Variants in PCDHGA8 observed in about 807,000 individuals in gnomAD.
PCDHGA8 encodes protocadherin gamma-A8.
In PCDHGA8, 45 loss-of-function variants were observed where a neutral mutation model predicts 59.2. The observed-to-expected ratio is 0.76, with a 90% CI of 0.60 to 0.98. The LOEUF is 0.98. PCDHGA8 is among the 50% of genes least tolerant of loss of function. The pLI, the probability that PCDHGA8 is intolerant of heterozygous loss-of-function variation, is 0.00. For synonymous variants in PCDHGA8, 531 were observed against 519.0 expected (o/e 1.02, Z -0.32); for missense variants, 1,257 against 1,196.2 (o/e 1.05, Z -0.75).
Position 141,491,885 on chromosome 5 carries a change from G to T in PCDHGA8, c.2425-2922G>T. On this transcript the variant is annotated intron_variant, in intron 1 of 3. Transcript: ENST00000398604. The surrounding 1 kb of genome is among the most constrained non-coding windows in gnomAD (Gnocchi z 6.9). ...ACCAGAGTGGCCGATTAAGGGATGG[G>T]GCTCCGAGCACCGGGGGTGGTGGCG... The T allele has an allele frequency of 6.9e-7, 1 of 1,445,748 alleles. No homozygotes were observed. Among genetic ancestry groups the T allele is most frequent in the Non-Finnish European group, 9.1e-7 (1 of 1,093,758 alleles). The allele number at this position is 1,445,748 out of a possible 1,614,324, so 89.6% of individuals were successfully genotyped here. A position where few individuals can be genotyped will look rare whatever the true frequency, so the allele number is the denominator to read the frequency against.
At chr5:141,404,783 G>A (rs758824309) in intron 1 of PCDHGA8, 39 of 1,613,798 alleles carry the variant, frequency 2.4e-5, no homozygotes, top group South Asian at 2.2e-4. Context: ...CCTATTCAAG[G>A]CCAGTGAGCC....
rs1284287216 is a variant in PCDHGA8 at position 141,398,423 on chromosome 5, A to C, written c.2424+3186A>C. On this transcript the variant is annotated intron_variant, in intron 1 of 3. Transcript: ENST00000398604. ...GACAGGGAGGAGATATGCGGGAAGA[A>C]GCCAGCTTGTGCTCTGGAATTTGAG... 2.0e-6 allele frequency: 3 copies of C among 1,514,696 alleles called. No individual in the cohort carries two copies. In the South Asian group the frequency reaches 3.4e-5, roughly 17 times the overall value. The allele number at this position is 1,514,696 out of a possible 1,614,324, so 93.8% of individuals were successfully genotyped here.
chr5:141,402,369 A>C (rs1281295306), intron 1 of PCDHGA8, among the ~76,000 whole-genome samples: 1 of 152,066 alleles, frequency 6.6e-6, no homozygotes, highest in Non-Finnish European at 1.5e-5. Context: ...ACTTCCAAAC[A>C]AGATTGCACA....
chr5:141,449,756 T>C (rs2098654563), intron 1 of PCDHGA8, among the ~76,000 whole-genome samples: 1 of 151,728 alleles, frequency 6.6e-6, no homozygotes, highest in South Asian at 2.1e-4. Flanking sequence ...TTTATGACAT[T>C]TGAGAGTAAG....
intron 1 of PCDHGA8, chr5:141,398,815 A>G (rs1369560562): frequency 6.2e-7 from 1 of 1,613,870 alleles, no homozygotes; most frequent in East Asian, 2.2e-5. Context: ...TGAGCTCCGG[A>G]TCCAGGTAAC....
At chr5:141,400,802 A>C in intron 1 of PCDHGA8, 1 of 557,534 alleles carries the variant, frequency 1.8e-6, no homozygotes, top group Non-Finnish European at 3.1e-6. Context: ...TCTCAAAGCT[A>C]ATGAATTTTA....
At chr5:141,415,257 T>G in intron 1 of PCDHGA8, 1 of 1,614,170 alleles carries the variant, frequency 6.2e-7, no homozygotes, top group Non-Finnish European at 8.5e-7. Flanking sequence ...CAGACCTCAC[T>G]CTGTACCTGG....
intron 2 of PCDHGA8, among the ~76,000 whole-genome samples, chr5:141,501,942 C>T (rs1012840550): frequency 2.6e-5 from 4 of 152,136 alleles, no homozygotes; most frequent in Non-Finnish European, 4.4e-5. Context: ...CACCACTGCT[C>T]CCTGTGACAG....
chr5:141,449,930 A>G (rs1353778264), intron 1 of PCDHGA8, among the ~76,000 whole-genome samples: 1 of 151,614 alleles, frequency 6.6e-6, no homozygotes, highest in East Asian at 1.9e-4. Context: ...ACCATACCTT[A>G]TAGTATATTT....
chr5:141,429,528 A>T (rs1405050386), intron 1 of PCDHGA8, among the ~76,000 whole-genome samples: 1 of 152,166 alleles, frequency 6.6e-6, no homozygotes, highest in African/African-American at 2.4e-5. Context: ...AAAAAAGCTT[A>T]AAAAAATAAG....
chr5:141,400,322 G>T lies in PCDHGA8; in HGVS notation c.2424+5085G>T, dbSNP rs1025265322. The stretch of plus-strand genomic sequence containing the variant: ...CAACCTGGTCTCTGTGTCAAGTCTG[G>T]ACCTGTGGTTCCCCCCAACTACAGT... On this transcript the variant is annotated intron_variant, in intron 1 of 3. Transcript: ENST00000398604. 1.9e-6 allele frequency: 3 copies of T among 1,613,952 alleles called. No homozygotes were observed. In the African/African-American group the frequency reaches 4.0e-5, roughly 22 times the overall value.
intron 1 of PCDHGA8, among the ~76,000 whole-genome samples, chr5:141,467,571 A>T (rs1228156610): frequency 6.6e-6 from 1 of 152,212 alleles, no homozygotes; most frequent in African/African-American, 2.4e-5. Context: ...ATGGCTATCC[A>T]GTTGTCCCAA....
chr5:141,426,971 G>A, intron 1 of PCDHGA8: 1 of 456,732 alleles, frequency 2.2e-6, no homozygotes, highest in South Asian at 1.5e-5. Context: ...TTCAAATTGA[G>A]GTCACTGATG....
rs1173306822 is a variant in PCDHGA8, at chr5:141,431,115, T to G, written c.2424+35878T>G. The G allele has an allele frequency of 6.2e-7, 1 of 1,613,608 alleles. No homozygotes were observed. Among genetic ancestry groups the G allele is most frequent in the East Asian group, 2.2e-5 (1 of 44,840 alleles). ...GAGGATAAAGTGAAAATATATGGAG[T>G]AGAAGTAGAAGTAAGGGACATTAAC... On this transcript the variant is annotated intron_variant, in intron 1 of 3. Transcript: ENST00000398604. This position sits in a 1 kb window ranked among gnomAD's most constrained non-coding sequence, Gnocchi z 4.8.
chr5:141,444,524 A>G (rs563709940), intron 1 of PCDHGA8, among the ~76,000 whole-genome samples: 47 of 152,224 alleles, frequency 3.1e-4, no homozygotes, highest in African/African-American at 1.1e-3. Context: ...AGTAGGTGAG[A>G]CAGTGACTGT....
Position 141,398,399 on chromosome 5 carries a change from A to G in PCDHGA8, c.2424+3162A>G, listed in dbSNP as rs763282563. 8 of 1,466,584 alleles carry G rather than the reference A, an allele frequency of 5.5e-6. No individual in the cohort carries two copies. In the Admixed American group the frequency reaches 7.2e-5, roughly 13 times the overall value. 90.8% of individuals were successfully genotyped at this position (1,466,584 alleles called of 1,614,324 possible). ...GAGTTGCTTGTGAGCAGCAGGCTAG[A>G]CAGGGAGGAGATATGCGGGAAGAAG... On this transcript the variant is annotated intron_variant, in intron 1 of 3. Coordinates refer to ENST00000398604, the MANE Select transcript of PCDHGA8 (RefSeq NM_032088.2).
intron 1 of PCDHGA8, among the ~76,000 whole-genome samples, chr5:141,473,759 C>G (rs989399714): frequency 3.3e-5 from 5 of 152,158 alleles, no homozygotes; most frequent in African/African-American, 1.2e-4. Flanking sequence ...GGATACTATG[C>G]AAAGGATTTG....
At chr5:141,448,523 A>G (rs2098593853) in intron 1 of PCDHGA8, among the ~76,000 whole-genome samples, 1 of 152,166 alleles carries the variant, frequency 6.6e-6, no homozygotes, top group African/African-American at 2.4e-5. Context: ...TTTATTAAGC[A>G]TCCTGTCAGC....
intron 1 of PCDHGA8, chr5:141,418,522 C>A: frequency 6.2e-7 from 1 of 1,614,000 alleles, no homozygotes; most frequent in Non-Finnish European, 8.5e-7. Flanking sequence ...GGGACCCTCC[C>A]CGAAGCGGTA....
Sources: allele counts gnomAD v4.1 joint callset (sites outside exome capture counted in the v4.1 genomes callset), GRCh38; gene constraint gnomAD v4.1.1; non-coding constraint Gnocchi (gnomAD v3.1); transcripts MANE v1.5; gene names NCBI Gene and HGNC (gene_info 2026-07-23, HGNC 2026-07-21).